Variants in DNAJC1 observed in about 807,000 individuals in gnomAD.
DNAJC1 encodes the protein dnaJ homolog subfamily C member 1.
DNAJC1 carries 58 observed loss-of-function variants against 76.6 expected under a neutral mutation model. The ratio of observed to expected loss-of-function variants is 0.76; its 90% CI spans 0.61 to 0.94. The LOEUF (loss-of-function observed/expected upper bound fraction) is 0.94. Ranked by LOEUF, DNAJC1 falls within the 40% of genes least tolerant of loss-of-function variation. The pLI is 0.00. For missense variants in DNAJC1, 689 were observed against 677.3 expected (o/e 1.02, Z -0.19); for synonymous variants, 258 against 267.9 (o/e 0.96, Z 0.36).
intron 1 of DNAJC1, among the ~76,000 whole-genome samples, chr10:21,957,925 T>C (rs1837719162): frequency 6.6e-6 from 1 of 152,138 alleles, no homozygotes; most frequent in Non-Finnish European, 1.5e-5. Context: ...TTAAGCAAAA[T>C]ACCTTTCTTA....
chr10:21,833,818 T>C (rs1331608917), intron 8 of DNAJC1, among the ~76,000 whole-genome samples: 1 of 152,172 alleles, frequency 6.6e-6, no homozygotes, highest in East Asian at 1.9e-4. Context: ...AACTGTTTTT[T>C]ATTAAAAAAA....
At chr10:21,879,860 G>A (rs921686258) in intron 8 of DNAJC1, among the ~76,000 whole-genome samples, 1 of 152,140 alleles carries the variant, frequency 6.6e-6, no homozygotes, top group Non-Finnish European at 1.5e-5. Context: ...GGTTGGTAAA[G>A]GTTGGGGTGT....
chr10:21,840,822 T>C lies in DNAJC1; in HGVS notation c.979-34723A>G, dbSNP rs540012519. Among the ~76,000 whole-genome samples, 9 of 152,292 alleles carry C rather than the reference T, an allele frequency of 5.9e-5. No individual in the cohort carries two copies. The East Asian group carries it at 1.5e-3, about 26-fold the overall frequency. On this transcript the variant is annotated intron_variant, in intron 8 of 11. Transcript: ENST00000376980. ...TCAATCCTAAGCCAAAGAACAAAGCTGGAGGCATCACACTACCTGACTTCA... is the reference window on the plus strand; with the variant it reads ...TCAATCCTAAGCCAAAGAACAAAGCCGGAGGCATCACACTACCTGACTTCA...
intron 1 of DNAJC1, among the ~76,000 whole-genome samples, chr10:21,955,335 T>G (rs1837660172): frequency 6.6e-6 from 1 of 152,150 alleles, no homozygotes; most frequent in South Asian, 2.1e-4. Context: ...AAGGTAAAAA[T>G]TATATGAGGG....
intron 8 of DNAJC1, among the ~76,000 whole-genome samples, chr10:21,880,822 C>T (rs549051978): frequency 3.3e-5 from 5 of 152,178 alleles, no homozygotes; most frequent in East Asian, 1.9e-4. Flanking sequence ...TATTCCCTGA[C>T]GAGAAAGTAA....
chr10:21,858,585 T>C (rs1242551620), intron 8 of DNAJC1, among the ~76,000 whole-genome samples: 1 of 152,202 alleles, frequency 6.6e-6, no homozygotes, highest in East Asian at 1.9e-4. Flanking sequence ...TCCAACCCAA[T>C]ACTAACCAGG....
At chr10:21,844,020 T>C (rs1251903681) in intron 8 of DNAJC1, among the ~76,000 whole-genome samples, 1 of 152,188 alleles carries the variant, frequency 6.6e-6, no homozygotes, top group Non-Finnish European at 1.5e-5. Context: ...GATGGTTTTA[T>C]AAATGGGAGT....
At chr10:21,786,562 T>C (rs1489680564) in intron 9 of DNAJC1, among the ~76,000 whole-genome samples, 1 of 150,990 alleles carries the variant, frequency 6.6e-6, no homozygotes, top group Non-Finnish European at 1.5e-5. Context: ...CTTGGCTCAC[T>C]GCAGCCTCTG....
intron 11 of DNAJC1, among the ~76,000 whole-genome samples, chr10:21,757,730 T>G (rs977261877): frequency 1.3e-5 from 2 of 152,222 alleles, no homozygotes; most frequent in Non-Finnish European, 2.9e-5. Context: ...CTCGGAGCTC[T>G]GAGCTGAGCC....
intron 8 of DNAJC1, among the ~76,000 whole-genome samples, chr10:21,838,179 G>C (rs1222016935): frequency 2.0e-5 from 3 of 152,218 alleles, no homozygotes; most frequent in Admixed American, 6.5e-5. Flanking sequence ...TTGTCGAATA[G>C]AAAAGGGGGA....
intron 9 of DNAJC1, among the ~76,000 whole-genome samples, chr10:21,774,510 T>A (rs1332093404): frequency 1.3e-5 from 2 of 152,254 alleles, no homozygotes; most frequent in Non-Finnish European, 2.9e-5. Context: ...TTCTCCTCTC[T>A]GTCACCTAGA....
intron 9 of DNAJC1, among the ~76,000 whole-genome samples, chr10:21,793,672 G>A (rs1344706941): frequency 2.0e-5 from 3 of 152,122 alleles, no homozygotes; most frequent in East Asian, 1.9e-4. Flanking sequence ...CTGGCTGGGC[G>A]CAGTGGCTCA....
chr10:21,911,761 T>C (rs137894095), intron 6 of DNAJC1, among the ~76,000 whole-genome samples: 76 of 152,370 alleles, frequency 5.0e-4, no homozygotes, highest in Non-Finnish European at 9.0e-4. Context: ...GAGATAGTGA[T>C]ATGCATTCAG....
intron 9 of DNAJC1, among the ~76,000 whole-genome samples, chr10:21,792,305 C>CA: frequency 6.6e-6 from 1 of 152,264 alleles, no homozygotes; most frequent in Non-Finnish European, 1.5e-5. Flanking sequence ...GATATAATAA[C>CA]AATTGTTCAC....
At chr10:21,822,459 AAATG>A (rs139555738) in intron 8 of DNAJC1, among the ~76,000 whole-genome samples, 144,315 of 150,550 alleles carry the variant, frequency 0.96, 69,113 homozygotes, top group South Asian at 0.99. Context: ...ATAAATAAAT[AAATG>A]AATAATAAAA....
At chr10:21,766,222 C>A (rs777728669) in intron 10 of DNAJC1, 39 bp downstream of exon 10, 20 of 1,453,224 alleles carry the variant, frequency 1.4e-5, no homozygotes, top group East Asian at 9.1e-5. Context: ...TTAGAAGAAA[C>A]CACTTTAGAT....
At chr10:21,761,673 A>AG (rs746606888) in intron 10 of DNAJC1, among the ~76,000 whole-genome samples, 44 of 152,226 alleles carry the variant, frequency 2.9e-4, no homozygotes, top group Admixed American at 1.6e-3. Context: ...AATGAGTTGG[A>AG]GTGTGAGTGT....
intron 2 of DNAJC1, 86 bp from the exon 3 acceptor site, chr10:21,928,638 C>A: frequency 9.5e-7 from 1 of 1,053,022 alleles, no homozygotes; most frequent in Non-Finnish European, 1.5e-6. Context: ...AATACACATG[C>A]AGAAAATCCT....
intron 1 of DNAJC1, among the ~76,000 whole-genome samples, chr10:21,944,490 C>G (rs1336751488): frequency 6.6e-6 from 1 of 152,010 alleles, no homozygotes; most frequent in East Asian, 1.9e-4. Context: ...GTTTTAAGTT[C>G]CCACTGCAGC....
Sources: allele counts gnomAD v4.1 joint callset (sites outside exome capture counted in the v4.1 genomes callset), GRCh38; gene constraint gnomAD v4.1.1; transcripts MANE v1.5; gene names NCBI Gene and HGNC (gene_info 2026-07-23, HGNC 2026-07-21).